The following DGKB variants were observed in gnomAD, a reference collection of about 807,000 sequenced individuals.
The protein encoded by DGKB is 90 kDa diacylglycerol kinase.
DGKB carries 67 observed loss-of-function variants against 114.3 expected under a neutral mutation model. The observed-to-expected ratio is 0.59, with a 90% CI of 0.48 to 0.72. The LOEUF (loss-of-function observed/expected upper bound fraction) is 0.72. Among genes scored for constraint, DGKB ranks in the 30% least tolerant of loss-of-function variants. DGKB has a pLI of 0.00. For missense variants in DGKB, 907 were observed against 975.2 expected, an observed-to-expected ratio of 0.93 and a Z score of 0.93; for synonymous variants, 398 against 323.1, an observed-to-expected ratio of 1.23 and a Z score of -2.49.
intron 23 of DGKB, among the ~76,000 whole-genome samples, chr7:14,324,104 C>T (rs543537523): frequency 5.9e-5 from 9 of 152,246 alleles, no homozygotes; most frequent in Admixed American, 5.9e-4. Flanking sequence ...ATAATCTCTT[C>T]ATTTACTGAT....
In DGKB at chr7:14,580,923, T is replaced by C. The variant is rs1304086895; in HGVS notation, c.1548A>G (p.Pro516=). The C allele has an allele frequency of 1.2e-6, 2 of 1,604,912 alleles. No homozygotes were observed. The highest frequency in any genetic ancestry group is 1.7e-6 in the Non-Finnish European group (2 of 1,173,684). ...IEKANVGKHP[P]VAILPLGTGN... ...CAGTCCCAAGAGGCAGAATCGCAACTGGAGGATGCTTGCCTACATTGGCCT... is the reference window on the plus strand; with the variant it reads ...CAGTCCCAAGAGGCAGAATCGCAACCGGAGGATGCTTGCCTACATTGGCCT... Residue 516 remains proline (P), a synonymous_variant, in exon 19 of 26, where the codon CCA becomes CCG. Transcript: ENST00000402815.
intron 21 of DGKB, among the ~76,000 whole-genome samples, chr7:14,361,372 G>C (rs917743292): frequency 4.0e-5 from 6 of 151,868 alleles, no homozygotes; most frequent in African/African-American, 1.4e-4. Flanking sequence ...TGAAAATATT[G>C]ATATTTTTAA....
chr7:14,259,798 T>C (rs1796496309), intron 23 of DGKB, among the ~76,000 whole-genome samples: 1 of 152,172 alleles, frequency 6.6e-6, no homozygotes, highest in Non-Finnish European at 1.5e-5. Context: ...TGGTGCCCAG[T>C]GGGTAGCTAT....
At chr7:14,302,439 T>C (rs1019560683) in intron 23 of DGKB, among the ~76,000 whole-genome samples, 9 of 152,126 alleles carry the variant, frequency 5.9e-5, no homozygotes, top group African/African-American at 2.2e-4. Context: ...AGTTAGATCA[T>C]ATTACTCTGT....
chr7:14,370,139 G>C (rs1044243840), intron 21 of DGKB, among the ~76,000 whole-genome samples: 1 of 152,098 alleles, frequency 6.6e-6, no homozygotes, highest in Non-Finnish European at 1.5e-5. Flanking sequence ...TGTAAGGAAG[G>C]GGTCCAGTTT....
chr7:14,351,107 A>G (rs1813353188), intron 21 of DGKB, among the ~76,000 whole-genome samples: 1 of 152,134 alleles, frequency 6.6e-6, no homozygotes, highest in Non-Finnish European at 1.5e-5. Context: ...GGTTAATGGG[A>G]AAGGTTGACT....
At chr7:14,288,341 A>G (rs7785249) in intron 23 of DGKB, among the ~76,000 whole-genome samples, 125,851 of 144,318 alleles carry the variant, frequency 0.87, 55,241 homozygotes, top group African/African-American at 0.97. Flanking sequence ...ACCTGGGAGA[A>G]AAGGATCACA....
chr7:14,166,988 T>C (rs1019345165), intron 25 of DGKB, among the ~76,000 whole-genome samples: 3 of 152,058 alleles, frequency 2.0e-5, no homozygotes, highest in African/African-American at 4.8e-5. Flanking sequence ...GGCAGGCGGA[T>C]TGCCTGAGCT....
chr7:14,665,361 C>T (rs1398050863), intron 13 of DGKB, among the ~76,000 whole-genome samples: 2 of 151,414 alleles, frequency 1.3e-5, no homozygotes, highest in African/African-American at 4.9e-5. Flanking sequence ...AGGGCAACAA[C>T]GACAGAGGGT....
chr7:14,471,213 T>TACATATATATGTATGGAATATATGTATAC lies in DGKB; in HGVS notation c.1835+6947_1835+6948insGTATACATATATTCCATACATATATATGT, dbSNP rs1563257633. On this transcript the variant is annotated intron_variant, in intron 21 of 25. Transcript: ENST00000402815. Reference sequence around the variant, plus strand: ...CATATATGTATGGAATATATGTATATATACATATATATGTATGGAATATAT... The same window carrying TACATATATATGTATGGAATATATGTATAC: ...CATATATGTATGGAATATATGTATATACATATATATGTATGGAATATATGTATACATACATATATATGTATGGAATATAT... 1.7e-4 allele frequency among the ~76,000 whole-genome samples: 9 copies of TACATATATATGTATGGAATATATGTATAC among 52,396 alleles called. 2 individuals are homozygous for TACATATATATGTATGGAATATATGTATAC. The highest frequency in any genetic ancestry group is 9.3e-4 in the Admixed American group (4 of 4,284). 34.4% of individuals were successfully genotyped at this position (52,396 alleles called of 152,430 possible).
intron 20 of DGKB, among the ~76,000 whole-genome samples, chr7:14,567,164 T>A (rs1584858796): frequency 1.1e-5 from 1 of 89,890 alleles, no homozygotes; most frequent in Non-Finnish European, 2.1e-5. Flanking sequence ...ACAATTATAT[T>A]TATATATATT....
At chr7:14,676,175 A>C (rs568742525) in intron 12 of DGKB, among the ~76,000 whole-genome samples, 282 of 152,178 alleles carry the variant, frequency 1.9e-3, no homozygotes, top group African/African-American at 6.6e-3. Flanking sequence ...CAAAAGCTAC[A>C]AATTTTTTTT....
chr7:14,722,837 TAAAA>T (rs771690852), intron 5 of DGKB, among the ~76,000 whole-genome samples: 1 of 151,594 alleles, frequency 6.6e-6, no homozygotes, highest in African/African-American at 2.4e-5. Context: ...TAAATAAAAA[TAAAA>T]AAACTCACAG....
chr7:14,549,984 T>TAAA (rs1048935830), intron 20 of DGKB, among the ~76,000 whole-genome samples: 1 of 139,418 alleles, frequency 7.2e-6, no homozygotes, highest in Non-Finnish European at 1.6e-5. Flanking sequence ...CTAGACTGTC[T>TAAA]AAAAAAAAAA....
rs746067824 is a variant in DGKB, at chr7:14,176,813, T to C, written c.2304+26A>G. The C allele has an allele frequency of 2.5e-6, 4 of 1,601,502 alleles. No homozygotes were observed. In the South Asian group the frequency reaches 3.4e-5, roughly 13 times the overall value. ...GAGGAAAGCAAAACTGAGATTGACA[T>C]AGCATATCAACTACTCTGTACTCAC... On this transcript the variant is annotated intron_variant, in intron 25 of 25. Transcript: ENST00000402815.
At chr7:14,300,304 T>C (rs1307043276) in intron 23 of DGKB, among the ~76,000 whole-genome samples, 1 of 152,142 alleles carries the variant, frequency 6.6e-6, no homozygotes, top group Non-Finnish European at 1.5e-5. Flanking sequence ...AATCTGACTT[T>C]GTTTTTGTAG....
At chr7:14,336,214 T>C (rs1562960207) in intron 23 of DGKB, among the ~76,000 whole-genome samples, 1 of 152,192 alleles carries the variant, frequency 6.6e-6, no homozygotes. Flanking sequence ...AGAAGCATTT[T>C]GAGATACTTT....
At chr7:14,501,147 T>C (rs1378042477) in intron 20 of DGKB, among the ~76,000 whole-genome samples, 3 of 151,778 alleles carry the variant, frequency 2.0e-5, no homozygotes, top group Non-Finnish European at 4.4e-5. Flanking sequence ...ACCAATAACA[T>C]GGTGGGATCT....
intron 2 of DGKB, among the ~76,000 whole-genome samples, chr7:14,798,569 G>T (rs12530995): frequency 0.018 from 2,794 of 152,218 alleles, 53 homozygotes; most frequent in Non-Finnish European, 0.023. Flanking sequence ...GAGAGCAAAG[G>T]GGGAGTTTTC....
Sources: gnomAD v4.1 joint callset for allele counts (sites outside exome capture counted in the v4.1 genomes callset) on GRCh38, gnomAD v4.1.1 for gene constraint, MANE v1.5 for transcripts, NCBI Gene and HGNC (gene_info 2026-07-23, HGNC 2026-07-21) for gene names.